SOX5: variants seen among roughly 807,000 people sequenced by gnomAD.
SOX5 encodes SRY-box transcription factor 5, also known as transcription factor SOX-5.
Under a neutral mutation model 92.0 loss-of-function variants are expected in SOX5, and 9 were observed. That is an observed-to-expected ratio of 0.10 (90% CI 0.06 to 0.17). The LOEUF (loss-of-function observed/expected upper bound fraction) is 0.17. Among genes scored for constraint, SOX5 ranks in the 10% least tolerant of loss-of-function variants. The pLI, the probability that SOX5 is intolerant of heterozygous loss-of-function variation, is 1.00. For missense variants in SOX5, 642 were observed against 944.5 expected, an observed-to-expected ratio of 0.68 and a Z score of 4.20; for synonymous variants, 344 against 336.3, an observed-to-expected ratio of 1.02 and a Z score of -0.25.
chr12:23,904,322 T>TTTGTATAATGAA (rs377239511), intron 1 of SOX5, among the ~76,000 whole-genome samples: 2,320 of 152,196 alleles, frequency 0.015, 58 homozygotes, highest in African/African-American at 0.053. Context: ...ACCCATTTCT[T>TTTGTATAATGAA]CCCACATACA....
intron 14 of SOX5, 43 bp from the exon 15 acceptor site, chr12:23,534,565 A>T: frequency 6.6e-7 from 1 of 1,511,992 alleles, no homozygotes. Context: ...TGGGTAAGTG[A>T]ATAGTTAGAT....
chr12:23,850,455 A>T (rs148219822), intron 2 of SOX5, among the ~76,000 whole-genome samples: 12,196 of 100,470 alleles, frequency 0.12, 1,635 homozygotes, highest in African/African-American at 0.39. Flanking sequence ...AATAAATAAA[A>T]AAAAAATAAA....
At chr12:23,961,107 G>A (rs1946878891) in intron 4 of SOX5, among the ~76,000 whole-genome samples, 1 of 152,028 alleles carries the variant, frequency 6.6e-6, no homozygotes, top group South Asian at 2.1e-4. Context: ...GTTTTCAGAT[G>A]CCTGAAAGTT....
chr12:23,833,088 C>T (rs561567493), intron 3 of SOX5, among the ~76,000 whole-genome samples: 1 of 152,030 alleles, frequency 6.6e-6, no homozygotes, highest in South Asian at 2.1e-4. Flanking sequence ...CAAAAATGTA[C>T]AAATACATAT....
chr12:24,286,536 T>A (rs949194237), intron 2 of SOX5, among the ~76,000 whole-genome samples: 1 of 151,384 alleles, frequency 6.6e-6, no homozygotes, highest in African/African-American at 2.4e-5. Context: ...AAGAGTTTTT[T>A]AAATATATAA....
At chr12:24,021,384 C>T (rs980938683) in intron 4 of SOX5, among the ~76,000 whole-genome samples, 2 of 152,106 alleles carry the variant, frequency 1.3e-5, no homozygotes, top group African/African-American at 4.8e-5. Context: ...CTAATGTAGG[C>T]TGAGAATGGC....
chr12:24,467,915 A>AC (rs1210223023), intron 1 of SOX5, among the ~76,000 whole-genome samples: 1 of 151,928 alleles, frequency 6.6e-6, no homozygotes, highest in East Asian at 1.9e-4. Flanking sequence ...GGCTGTCTGG[A>AC]CCCCTAAGTA....
At chr12:24,146,617 AAAAGT>A (rs1308625945) in intron 4 of SOX5, among the ~76,000 whole-genome samples, 12 of 152,156 alleles carry the variant, frequency 7.9e-5, no homozygotes, top group South Asian at 6.2e-4. Flanking sequence ...AGAAACAAAG[AAAAGT>A]AAATTCAATG....
chr12:23,638,390 A>G (rs2079559790), intron 8 of SOX5: 1 of 152,198 alleles, frequency 6.6e-6, no homozygotes, highest in South Asian at 2.1e-4. Context: ...TAATAACTGA[A>G]AGGACTGGAA....
At chr12:24,207,448 T>C (rs1253203470) in intron 4 of SOX5, among the ~76,000 whole-genome samples, 1 of 152,006 alleles carries the variant, frequency 6.6e-6, no homozygotes, top group African/African-American at 2.4e-5. Flanking sequence ...TAAGACTCAG[T>C]AAGAATATAT....
In SOX5 at chr12:23,843,554, C is replaced by CTTTTT. The variant is rs71059931; in HGVS notation, c.481+2424_481+2428dup. Among the ~76,000 whole-genome samples the CTTTTT allele has an allele frequency of 7.7e-3, 548 of 71,326 alleles. 134 individuals carry two copies. The highest frequency in any genetic ancestry group is 0.031 in the African/African-American group (513 of 16,696). 46.8% of individuals were successfully genotyped at this position (71,326 alleles called of 152,430 possible). A position where few individuals can be genotyped will look rare whatever the true frequency, so the allele number is the denominator to read the frequency against. On this transcript the variant is annotated intron_variant, in intron 3 of 14. Coordinates refer to ENST00000451604, the MANE Select transcript of SOX5 (RefSeq NM_006940.6). Reference sequence around the variant, plus strand: ...TCAGAATATTTGACAGTCATTTCTCCTTTTTTTTTTTTTTTTTTTTTTTTT... The same window carrying CTTTTT: ...TCAGAATATTTGACAGTCATTTCTCCTTTTTTTTTTTTTTTTTTTTTTTTTTTTTT...
At chr12:23,834,664 A>T (rs1325777000) in intron 3 of SOX5, among the ~76,000 whole-genome samples, 2 of 151,956 alleles carry the variant, frequency 1.3e-5, no homozygotes, top group African/African-American at 4.8e-5. Context: ...ACTGCAGAAG[A>T]CACTGACAAA....
intron 4 of SOX5, among the ~76,000 whole-genome samples, chr12:23,964,898 T>G (rs1054924872): frequency 6.6e-6 from 1 of 152,206 alleles, no homozygotes; most frequent in African/African-American, 2.4e-5. Flanking sequence ...TATCAAAAAG[T>G]TGATGGGCTA....
intron 1 of SOX5, among the ~76,000 whole-genome samples, chr12:24,431,726 C>G (rs1046857613): frequency 6.6e-6 from 1 of 152,156 alleles, no homozygotes; most frequent in Non-Finnish European, 1.5e-5. Context: ...CTACACACTG[C>G]TTGGTACCCA....
chr12:23,618,567 G>A (rs1054425619), intron 8 of SOX5, among the ~76,000 whole-genome samples: 2 of 152,146 alleles, frequency 1.3e-5, no homozygotes, highest in African/African-American at 2.4e-5. Flanking sequence ...AAACACATAA[G>A]GGGAGGAAGT....
chr12:24,101,615 AC>A lies in SOX5; in HGVS notation c.-2+111727del, dbSNP rs1946102331. Reference sequence around the variant, plus strand: ...CCGTCGAATAAATGAATGACTGGACACTATACATCAAAATTCACCAGCAGAA... The same window carrying A: ...CCGTCGAATAAATGAATGACTGGACATATACATCAAAATTCACCAGCAGAA... On this transcript the variant is annotated intron_variant, in intron 4 of 4. Transcript: ENST00000446891. Among the ~76,000 whole-genome samples the A allele has an allele frequency of 2.6e-5, 4 of 152,166 alleles. No individual in the cohort carries two copies. In the South Asian group the frequency reaches 8.3e-4, roughly 32 times the overall value.
chr12:24,224,742 C>T (rs11047321), intron 3 of SOX5, among the ~76,000 whole-genome samples: 5,040 of 152,252 alleles, frequency 0.033, 265 homozygotes, highest in African/African-American at 0.11. Flanking sequence ...GCTTTTGATA[C>T]AGGGAACTGA....
chr12:23,628,533 C>T (rs950786339), intron 8 of SOX5, among the ~76,000 whole-genome samples: 13 of 152,046 alleles, frequency 8.6e-5, no homozygotes, highest in African/African-American at 1.7e-4. Context: ...GCATTAATTA[C>T]GCTGCCCCAA....
chr12:24,144,862 G>C (rs563054433), intron 4 of SOX5, among the ~76,000 whole-genome samples: 33 of 151,836 alleles, frequency 2.2e-4, no homozygotes, highest in African/African-American at 8.0e-4. Flanking sequence ...AAGGCTACAA[G>C]GGGAAAAATG....
Sources: allele counts gnomAD v4.1 joint callset (sites outside exome capture counted in the v4.1 genomes callset), GRCh38; gene constraint gnomAD v4.1.1; transcripts MANE v1.5; gene names NCBI Gene and HGNC (gene_info 2026-07-23, HGNC 2026-07-21).